Variants in SGCD observed in about 807,000 individuals in gnomAD.
SGCD encodes the protein delta-sarcoglycan.
A neutral mutation model predicts 36.6 loss-of-function variants in SGCD; 18 were observed. The observed-to-expected ratio is 0.49, with a 90% CI of 0.34 to 0.73. The LOEUF is 0.73. SGCD is among the 30% of genes least tolerant of loss of function. SGCD has a pLI of 0.01. For synonymous variants in SGCD, 133 were observed against 130.6 expected, an observed-to-expected ratio of 1.02 and a Z score of -0.12; for missense variants, 387 against 346.7, an observed-to-expected ratio of 1.12 and a Z score of -0.92.
At chr5:155,975,133 T>C (rs1384870621) in intron 1 of SGCD, among the ~76,000 whole-genome samples, 1 of 152,172 alleles carries the variant, frequency 6.6e-6, no homozygotes, top group Non-Finnish European at 1.5e-5. Flanking sequence ...AACAAAAACA[T>C]GTCTGTGGAT....
the SGCD span, among the ~76,000 whole-genome samples, chr5:155,755,121 G>A: frequency 6.6e-6 from 1 of 152,258 alleles, no homozygotes; most frequent in East Asian, 1.9e-4. Flanking sequence ...CTAGAATATG[G>A]TGCATTTTCT....
intron 4 of SGCD, among the ~76,000 whole-genome samples, chr5:156,512,403 T>G (rs1231332122): frequency 1.3e-5 from 2 of 152,088 alleles, no homozygotes. Context: ...CAATATTCAG[T>G]GCAGGAACAT....
chr5:156,560,204 T>C (rs1445055625), intron 4 of SGCD, among the ~76,000 whole-genome samples: 1 of 152,202 alleles, frequency 6.6e-6, no homozygotes, highest in African/African-American at 2.4e-5. Context: ...ATGTAACAGT[T>C]TCCTCTTACA....
intron 7 of SGCD, among the ~76,000 whole-genome samples, chr5:156,668,313 C>G (rs1029630009): frequency 6.6e-6 from 1 of 152,138 alleles, no homozygotes; most frequent in East Asian, 1.9e-4. Context: ...CTTTCCTTTC[C>G]TCTTGTATCC....
intron 4 of SGCD, among the ~76,000 whole-genome samples, chr5:156,517,321 G>T (rs1757218708): frequency 6.6e-6 from 1 of 152,112 alleles, no homozygotes; most frequent in Admixed American, 6.5e-5. Flanking sequence ...GAACAAAGCT[G>T]CCATGAACTA....
At chr5:156,582,302 T>C (rs1306233240) in intron 4 of SGCD, among the ~76,000 whole-genome samples, 1 of 152,208 alleles carries the variant, frequency 6.6e-6, no homozygotes, top group East Asian at 1.9e-4. Context: ...GGTTGTTACA[T>C]GAGTGTTAAT....
chr5:156,329,336 A>G (rs1767960593), intron 1 of SGCD, among the ~76,000 whole-genome samples, 198 bp from the exon 2 acceptor site: 1 of 152,192 alleles, frequency 6.6e-6, no homozygotes, highest in Non-Finnish European at 1.5e-5. Context: ...AGGTGTGCAG[A>G]TACTCAGTGG....
At chr5:156,302,494 C>T (rs371431739) in intron 3 of SGCD, among the ~76,000 whole-genome samples, 1 of 152,124 alleles carries the variant, frequency 6.6e-6, no homozygotes, top group African/African-American at 2.4e-5. Flanking sequence ...ATATATCTCT[C>T]ACTCCTAGAT....
At chr5:156,316,487 A>G (rs1158542704) in intron 3 of SGCD, among the ~76,000 whole-genome samples, 2 of 151,960 alleles carry the variant, frequency 1.3e-5, no homozygotes, top group Non-Finnish European at 2.9e-5. Context: ...AAGACCTCAA[A>G]TAACTAAAAC....
At chr5:156,188,530 G>A (rs12189076) in intron 3 of SGCD, among the ~76,000 whole-genome samples, 40,989 of 151,798 alleles carry the variant, frequency 0.27, 6,085 homozygotes, top group East Asian at 0.59. Context: ...GCTTCTGAGA[G>A]CCTTTCCTTC....
chr5:156,741,826 G>A (rs1256603779), intron 7 of SGCD, among the ~76,000 whole-genome samples: 7 of 151,922 alleles, frequency 4.6e-5, no homozygotes, highest in African/African-American at 1.7e-4. Context: ...GCCAAAAAGA[G>A]ACAGTGAGAC....
At chr5:155,978,827 T>TA (rs1284549076) in intron 1 of SGCD, among the ~76,000 whole-genome samples, 2 of 151,726 alleles carry the variant, frequency 1.3e-5, no homozygotes, top group African/African-American at 4.8e-5. Flanking sequence ...TGGAGTTATT[T>TA]TAAAAAAAAA....
chr5:156,021,155 G>A (rs1367347970), intron 1 of SGCD, among the ~76,000 whole-genome samples: 1 of 152,140 alleles, frequency 6.6e-6, no homozygotes, highest in African/African-American at 2.4e-5. Context: ...TTATGTGCAA[G>A]TTTTTAATAC....
chr5:156,252,297 G>C (rs1444184599), intron 3 of SGCD, among the ~76,000 whole-genome samples: 1 of 151,450 alleles, frequency 6.6e-6, no homozygotes, highest in African/African-American at 2.4e-5. Flanking sequence ...GGGTGGTCTC[G>C]AACTTCCAGC....
At chr5:156,022,598 C>T (rs1021771802) in intron 1 of SGCD, among the ~76,000 whole-genome samples, 3 of 151,986 alleles carry the variant, frequency 2.0e-5, no homozygotes, top group Non-Finnish European at 2.9e-5. Context: ...TCTACTTTCC[C>T]AATAATGGAT....
At chr5:156,051,177 A>G (rs1371203110) in intron 1 of SGCD, among the ~76,000 whole-genome samples, 1 of 146,636 alleles carries the variant, frequency 6.8e-6, no homozygotes, top group East Asian at 1.9e-4. Flanking sequence ...GTTATTAAAA[A>G]CAGAGAGAAA....
chr5:156,280,747 G>A (rs1390367287), intron 3 of SGCD, among the ~76,000 whole-genome samples: 3 of 152,174 alleles, frequency 2.0e-5, no homozygotes, highest in Non-Finnish European at 2.9e-5. Context: ...TCCACAGAGG[G>A]GGAAAGTTTC....
chr5:156,597,500 A>T (rs911469583), intron 6 of SGCD, among the ~76,000 whole-genome samples: 3 of 152,222 alleles, frequency 2.0e-5, no homozygotes, highest in Non-Finnish European at 2.9e-5. Flanking sequence ...CATGAGACTT[A>T]TTCACGATCA....
At chr5:155,750,467 A>G in the SGCD span, among the ~76,000 whole-genome samples, 1 of 152,102 alleles carries the variant, frequency 6.6e-6, no homozygotes, top group African/African-American at 2.4e-5. Flanking sequence ...CACCCTGGAG[A>G]TGCATGAAAG....
Sources: allele counts gnomAD v4.1 joint callset (sites outside exome capture counted in the v4.1 genomes callset), GRCh38; gene constraint gnomAD v4.1.1; transcripts MANE v1.5; gene names NCBI Gene and HGNC (gene_info 2026-07-23, HGNC 2026-07-21).